CALN1: variants seen among roughly 807,000 people sequenced by gnomAD.
The protein encoded by CALN1 is calcium-binding protein 8.
CALN1 carries 17 observed loss-of-function variants against 30.6 expected under a neutral mutation model. The ratio of observed to expected loss-of-function variants is 0.56; its 90% confidence interval spans 0.38 to 0.83. The LOEUF is 0.83. Among genes scored for constraint, CALN1 ranks in the 40% least tolerant of loss-of-function variants. The pLI is 0.00. For missense variants in CALN1, 291 were observed against 354.9 expected, an observed-to-expected ratio of 0.82 and a Z score of 1.45; for synonymous variants, 156 against 131.4, an observed-to-expected ratio of 1.19 and a Z score of -1.28.
chr7:72,226,028 A>G (rs1174234938), intron 3 of CALN1, among the ~76,000 whole-genome samples: 8 of 146,826 alleles, frequency 5.4e-5, no homozygotes, highest in African/African-American at 2.0e-4. Context: ...CCCGGGAGGC[A>G]GGGGTTGCAG....
intron 2 of CALN1, among the ~76,000 whole-genome samples, chr7:72,371,500 C>T (rs929678673): frequency 2.6e-5 from 4 of 152,140 alleles, no homozygotes; most frequent in African/African-American, 7.2e-5. Flanking sequence ...TGGCACTTCT[C>T]CTTCCTGCCA....
intron 2 of CALN1, among the ~76,000 whole-genome samples, chr7:72,344,454 G>T (rs764204030): frequency 6.6e-6 from 1 of 151,500 alleles, no homozygotes; most frequent in Non-Finnish European, 1.5e-5. Context: ...TTTTGAAAAA[G>T]AAAACTTTGT....
chr7:72,167,335 T>C (rs911118953), intron 3 of CALN1, among the ~76,000 whole-genome samples: 5 of 150,960 alleles, frequency 3.3e-5, no homozygotes, highest in African/African-American at 1.2e-4. Flanking sequence ...AGTTTCTTTT[T>C]TGTTGTTGGT....
At chr7:72,348,198 T>C (rs1258124852) in intron 2 of CALN1, among the ~76,000 whole-genome samples, 1 of 152,206 alleles carries the variant, frequency 6.6e-6, no homozygotes, top group African/African-American at 2.4e-5. Flanking sequence ...CTTCCCACTA[T>C]TAACAATTAG....
At chr7:71,993,223 C>T (rs1799052184) in intron 5 of CALN1, among the ~76,000 whole-genome samples, 2 of 152,114 alleles carry the variant, frequency 1.3e-5, no homozygotes, top group Admixed American at 6.5e-5. Context: ...GCCTCTGTTG[C>T]CACCTTGACT....
intron 5 of CALN1, among the ~76,000 whole-genome samples, chr7:71,966,631 G>T (rs1481664567): frequency 6.6e-6 from 1 of 152,144 alleles, no homozygotes; most frequent in Non-Finnish European, 1.5e-5. Context: ...AAGCTCAGCA[G>T]ATTCCAGCAT....
At chr7:72,217,769 G>C (rs1792940934) in intron 3 of CALN1, among the ~76,000 whole-genome samples, 1 of 149,692 alleles carries the variant, frequency 6.7e-6, no homozygotes, top group South Asian at 2.1e-4. Context: ...CTTGAGGCCA[G>C]AAGTTCGAGA....
At position 72,029,644 on chromosome 7, in the gene CALN1, G is replaced by A. The variant is rs113215176; in HGVS notation, c.389-5875C>T. Among the ~76,000 whole-genome samples the A allele has an allele frequency of 8.8e-3, 1,335 of 152,186 alleles. 23 individuals are homozygous for A. Among genetic ancestry groups the A allele is most frequent in the African/African-American group, 0.027 (1,123 of 41,498 alleles). On this transcript the variant is annotated intron_variant, in intron 4 of 6. Coordinates refer to ENST00000395275, the MANE Select transcript of CALN1 (RefSeq NM_031468.4). ...AGACTAGGTTCATAATCAATCAGGC[G>A]CACATGATGAAATCTGCATAAAAAT...
At chr7:72,384,845 T>C (rs968247137) in intron 2 of CALN1, among the ~76,000 whole-genome samples, 16 of 152,078 alleles carry the variant, frequency 1.1e-4, no homozygotes, top group Non-Finnish European at 1.6e-4. Context: ...AAAAAGATAC[T>C]TTTAAGAGAA....
At chr7:72,435,681 G>A (rs376046727) in intron 1 of CALN1, among the ~76,000 whole-genome samples, 143 of 152,280 alleles carry the variant, frequency 9.4e-4, no homozygotes, top group East Asian at 4.3e-3. Context: ...CTCAGCCTCC[G>A]TTTGACAGAG....
At chr7:72,218,651 A>G (rs555638279) in intron 3 of CALN1, among the ~76,000 whole-genome samples, 1 of 152,326 alleles carries the variant, frequency 6.6e-6, no homozygotes, top group South Asian at 2.1e-4. Flanking sequence ...GCTTTAGTAT[A>G]CAATGTCTAA....
chr7:72,314,234 C>A (rs1026923724), intron 2 of CALN1, among the ~76,000 whole-genome samples: 2 of 152,158 alleles, frequency 1.3e-5, no homozygotes, highest in African/African-American at 4.8e-5. Flanking sequence ...ACGCCTGATT[C>A]CTGCTTTCCA....
At chr7:72,120,629 A>C (rs756311310) in intron 3 of CALN1, among the ~76,000 whole-genome samples, 8 of 152,172 alleles carry the variant, frequency 5.3e-5, no homozygotes, top group Non-Finnish European at 8.8e-5. Flanking sequence ...GTTGCCCTCA[A>C]AAAGGCAGTA....
At chr7:72,141,406 C>A (rs1809927363) in intron 3 of CALN1, among the ~76,000 whole-genome samples, 1 of 152,086 alleles carries the variant, frequency 6.6e-6, no homozygotes, top group East Asian at 1.9e-4. Flanking sequence ...TCGAGACCAG[C>A]CCTGGCAACA....
intron 5 of CALN1, among the ~76,000 whole-genome samples, chr7:72,022,758 A>T (rs1800773415): frequency 6.6e-6 from 1 of 152,142 alleles, no homozygotes; most frequent in South Asian, 2.1e-4. Context: ...ACCCACAAGC[A>T]CTGATAGATT....
At chr7:72,096,689 GAA>G (rs1806257925) in intron 4 of CALN1, among the ~76,000 whole-genome samples, 1 of 152,154 alleles carries the variant, frequency 6.6e-6, no homozygotes, top group South Asian at 2.1e-4. Context: ...GGAGAAACAG[GAA>G]AAGTTTTACA....
rs1333558637 is a variant in CALN1, at chr7:72,100,439, C to A, written c.388+5712G>T. On this transcript the variant is annotated intron_variant, in intron 4 of 6. Coordinates refer to ENST00000395275, the MANE Select transcript of CALN1 (RefSeq NM_031468.4). ...TTAAGCAGTCATCCTACCTTGGCCT[C>A]CCGAAGTGCTGGGATTACAAAATGT... Among the ~76,000 whole-genome samples, 4 of 152,052 alleles carry A rather than the reference C, an allele frequency of 2.6e-5. No homozygotes were observed. The East Asian group carries it at 7.7e-4, about 29-fold the overall frequency.
At chr7:72,224,817 G>A (rs764346095) in intron 3 of CALN1, among the ~76,000 whole-genome samples, 9 of 151,968 alleles carry the variant, frequency 5.9e-5, no homozygotes, top group Non-Finnish European at 7.4e-5. Context: ...GGCCGGGCAC[G>A]GTGGCTCACG....
intron 5 of CALN1, among the ~76,000 whole-genome samples, chr7:71,889,866 G>A (rs1270467992): frequency 6.6e-6 from 1 of 151,996 alleles, no homozygotes; most frequent in Admixed American, 6.6e-5. Context: ...TCTGGAGGCT[G>A]AGGCAGGAGA....
Sources: gnomAD v4.1 joint callset for allele counts (sites outside exome capture counted in the v4.1 genomes callset) on GRCh38, gnomAD v4.1.1 for gene constraint, MANE v1.5 for transcripts, NCBI Gene and HGNC (gene_info 2026-07-23, HGNC 2026-07-21) for gene names.